Variants in CDH13 observed in about 807,000 individuals in gnomAD.
CDH13 encodes cadherin 13.
A neutral mutation model predicts 63.8 loss-of-function variants in CDH13; 24 were observed. The observed-to-expected ratio is 0.38, with a 90% confidence interval of 0.27 to 0.53. The LOEUF is 0.53. Ranked by LOEUF, CDH13 falls within the 20% of genes least tolerant of loss-of-function variation. The pLI, the probability that CDH13 is intolerant of heterozygous loss-of-function variation, is 0.85. For synonymous variants in CDH13, 503 were observed against 355.3 expected, an observed-to-expected ratio of 1.42 and a Z score of -4.67; for missense variants, 1,049 against 903.1, an observed-to-expected ratio of 1.16 and a Z score of -2.07.
At chr16:82,710,195 T>C (rs999233813) in intron 1 of CDH13, among the ~76,000 whole-genome samples, 9 of 145,112 alleles carry the variant, frequency 6.2e-5, no homozygotes, top group Non-Finnish European at 1.2e-4. Context: ...AAATTTATTA[T>C]TTATATATTA....
intron 1 of CDH13, among the ~76,000 whole-genome samples, chr16:82,759,094 C>T (rs1022991432): frequency 6.6e-6 from 1 of 152,152 alleles, no homozygotes; most frequent in Non-Finnish European, 1.5e-5. Flanking sequence ...GAAGCTGGCT[C>T]CCTGGGGTCT....
In CDH13 at chr16:83,157,037, C is replaced by T. The variant is rs147051854; in HGVS notation, c.483+31536C>T. On this transcript the variant is annotated intron_variant, in intron 4 of 13. Transcript: ENST00000567109. ...CTTATTATATTTTCCAAATCAAGGG[C>T]AGTAGATTCCAGAACTCCAATGACG... Among the ~76,000 whole-genome samples the T allele has an allele frequency of 4.9e-4, 75 of 152,286 alleles. 1 individual carries two copies. The Middle Eastern group carries it at 0.01, about 21-fold the overall frequency.
At chr16:82,668,511 A>G (rs1597269139) in intron 1 of CDH13, among the ~76,000 whole-genome samples, 1 of 152,122 alleles carries the variant, frequency 6.6e-6, no homozygotes, top group African/African-American at 2.4e-5. Context: ...CATTAGGGCA[A>G]TGTTTTTTTG....
At chr16:83,576,474 A>G (rs1905092725) in intron 7 of CDH13, among the ~76,000 whole-genome samples, 1 of 152,196 alleles carries the variant, frequency 6.6e-6, no homozygotes, top group Admixed American at 6.5e-5. Flanking sequence ...ACGTGTGCAT[A>G]CATGTATTTC....
Position 83,528,553 on chromosome 16 carries a change from A to G in CDH13, c.960+41898A>G, listed in dbSNP as rs192562739. Among the ~76,000 whole-genome samples the G allele has an allele frequency of 6.8e-4, 103 of 152,264 alleles. 1 individual carries two copies. The East Asian group carries it at 0.016, about 24-fold the overall frequency. ...AGCCCTTGGGAGGGCACTTATCTTCATGTATATATTACATAAATCTTATTT... is the reference window on the plus strand; with the variant it reads ...AGCCCTTGGGAGGGCACTTATCTTCGTGTATATATTACATAAATCTTATTT... On this transcript the variant is annotated intron_variant, in intron 7 of 13. Transcript: ENST00000567109.
chr16:82,958,415 A>G (rs917490529), intron 2 of CDH13, among the ~76,000 whole-genome samples: 1 of 152,210 alleles, frequency 6.6e-6, no homozygotes, highest in Non-Finnish European at 1.5e-5. Flanking sequence ...TAGAAGGCAT[A>G]ATGGAAAGGA....
At chr16:83,185,914 C>T (rs2038502618) in intron 4 of CDH13, among the ~76,000 whole-genome samples, 1 of 152,120 alleles carries the variant, frequency 6.6e-6, no homozygotes. Context: ...TATGTCTTAT[C>T]CATGGAGTAT....
At position 83,228,303 on chromosome 16, in the gene CDH13, G is replaced by T. The variant is rs138373039; in HGVS notation, c.636+10806G>T. On this transcript the variant is annotated intron_variant, in intron 5 of 13. Transcript: ENST00000567109. ...TGCACAGGACAGTCCCCACACGTCC[G>T]CAGGGCCGTGCTCTGCAGGCTCCTT... is the stretch of plus-strand genomic sequence containing the variant. Among the ~76,000 whole-genome samples, 407 of 152,304 alleles carry T rather than the reference G, an allele frequency of 2.7e-3. 1 individual carries two copies. Among genetic ancestry groups the T allele is most frequent in the African/African-American group, 9.2e-3 (384 of 41,584 alleles).
rs76460323 is a variant in CDH13, at chr16:83,386,088, C to T, written c.781+41082C>T. 3.9e-5 allele frequency among the ~76,000 whole-genome samples: 6 copies of T among 152,320 alleles called. No individual in the cohort carries two copies. In the East Asian group the frequency reaches 1.2e-3, roughly 29 times the overall value. ...AAAATAGAGTAAACAACAGTACCAA[C>T]CTCATAGGGTTGTGTGGATTAAGTA... On this transcript the variant is annotated intron_variant, in intron 6 of 13. Coordinates refer to ENST00000567109, the MANE Select transcript of CDH13 (RefSeq NM_001257.5).
At chr16:83,041,559 T>C (rs1429286177) in intron 3 of CDH13, among the ~76,000 whole-genome samples, 4 of 152,198 alleles carry the variant, frequency 2.6e-5, no homozygotes, top group African/African-American at 9.7e-5. Flanking sequence ...GTTACAACTT[T>C]TAAATCCACT....
chr16:83,596,341 C>T (rs1907254591), intron 7 of CDH13, among the ~76,000 whole-genome samples: 2 of 152,182 alleles, frequency 1.3e-5, no homozygotes, highest in African/African-American at 4.8e-5. Context: ...TCGGGGTTTA[C>T]CCTACATTCC....
chr16:83,653,619 T>C (rs1333258578), intron 8 of CDH13, among the ~76,000 whole-genome samples: 1 of 152,202 alleles, frequency 6.6e-6, no homozygotes, highest in Non-Finnish European at 1.5e-5. Flanking sequence ...ACTTAGGTGT[T>C]GAAGAGTTGA....
In CDH13 at chr16:83,549,668, CA is replaced by C. The variant is rs558377601; in HGVS notation, c.961-52778del. On this transcript the variant is annotated intron_variant, in intron 7 of 13. Coordinates refer to ENST00000567109, the MANE Select transcript of CDH13 (RefSeq NM_001257.5). ...AAAAAAAAAAAAAAGCAAAAACAAA[CA>C]AAAAAAATCTGCTCAGCATGAGAAA... is the stretch of plus-strand genomic sequence containing the variant. 1.8e-3 allele frequency among the ~76,000 whole-genome samples: 266 copies of C among 147,038 alleles called. 2 individuals are homozygous for C. The highest frequency in any genetic ancestry group is 6.2e-3 in the African/African-American group (249 of 40,202).
In CDH13 at chr16:83,707,836, C is replaced by CAAAAAAAAAAAAAAAAAAAAAAAAA. The variant is rs61067563; in HGVS notation, c.1538+29397_1538+29398insAAAAAAAAAAAAAAAAAAAAAAAAA. Among the ~76,000 whole-genome samples, 149 of 78,850 alleles carry CAAAAAAAAAAAAAAAAAAAAAAAAA rather than the reference C, an allele frequency of 1.9e-3. 9 individuals carry two copies. The highest frequency in any genetic ancestry group is 2.6e-3 in the South Asian group (5 of 1,932). The allele number at this position is 78,850 out of a possible 152,430, so 51.7% of individuals were successfully genotyped here. On this transcript the variant is annotated intron_variant, in intron 10 of 13. Coordinates refer to ENST00000567109, the MANE Select transcript of CDH13 (RefSeq NM_001257.5). ...CATCTTTGGTGAGAGACCCTAAAGG[C>CAAAAAAAAAAAAAAAAAAAAAAAAA]AAAAAAAAAAAAAAAAAAAAAAGAG... is the stretch of plus-strand genomic sequence containing the variant.
At chr16:83,730,198 G>A (rs370750881) in intron 10 of CDH13, among the ~76,000 whole-genome samples, 15 of 152,224 alleles carry the variant, frequency 9.9e-5, no homozygotes, top group African/African-American at 2.6e-4. Flanking sequence ...TATAATTGTC[G>A]CTAAATATTT....
intron 7 of CDH13, among the ~76,000 whole-genome samples, chr16:83,566,759 C>T (rs1244297837): frequency 1.3e-5 from 2 of 152,172 alleles, no homozygotes; most frequent in Non-Finnish European, 2.9e-5. Context: ...AATAATCTAG[C>T]TCATCATTTT....
At chr16:83,135,297 C>G (rs1443217134) in intron 4 of CDH13, among the ~76,000 whole-genome samples, 2 of 152,244 alleles carry the variant, frequency 1.3e-5, no homozygotes, top group African/African-American at 2.4e-5. Context: ...CAAGACTCTT[C>G]AATGCCACAT....
chr16:82,757,054 G>C (rs191931523), intron 1 of CDH13, among the ~76,000 whole-genome samples: 1 of 151,956 alleles, frequency 6.6e-6, no homozygotes, highest in Non-Finnish European at 1.5e-5. Context: ...GGATCCATGG[G>C]GACATTGACG....
intron 4 of CDH13, among the ~76,000 whole-genome samples, chr16:83,145,936 C>T (rs1009498424): frequency 2.6e-5 from 4 of 151,982 alleles, no homozygotes; most frequent in East Asian, 1.9e-4. Context: ...ATGTTCCAGC[C>T]GGATGCTGGA....
Sources: allele counts gnomAD v4.1 joint callset (sites outside exome capture counted in the v4.1 genomes callset), GRCh38; gene constraint gnomAD v4.1.1; transcripts MANE v1.5; gene names NCBI Gene and HGNC (gene_info 2026-07-23, HGNC 2026-07-21).